Variants in RGS12 observed in about 807,000 individuals in gnomAD.
RGS12 encodes the protein regulator of G protein signaling 12.
RGS12 carries 66 observed loss-of-function variants against 120.1 expected under a neutral mutation model. That is an observed-to-expected ratio of 0.55 (90% CI 0.45 to 0.67). The LOEUF is 0.67. Among genes scored for constraint, RGS12 ranks in the 30% least tolerant of loss-of-function variants. The pLI, the probability that RGS12 is intolerant of heterozygous loss-of-function variation, is 0.00. For synonymous variants in RGS12, 827 were observed against 804.7 expected, an observed-to-expected ratio of 1.03 and a Z score of -0.47; for missense variants, 1,859 against 1,957.7, an observed-to-expected ratio of 0.95 and a Z score of 0.95.
intron 3 of RGS12, among the ~76,000 whole-genome samples, chr4:3,358,036 C>G (rs74995096): frequency 6.6e-6 from 1 of 152,264 alleles, no homozygotes; most frequent in Non-Finnish European, 1.5e-5. Context: ...GCAATGTTTT[C>G]TAGTTTTCAT....
intron 3 of RGS12, chr4:3,370,103 C>T: frequency 1.5e-6 from 2 of 1,374,472 alleles, no homozygotes. Context: ...GAGTCTGAAA[C>T]CCTGGCAAGC....
At chr4:3,409,400 C>G (rs1721497145) in intron 4 of RGS12, among the ~76,000 whole-genome samples, 1 of 152,242 alleles carries the variant, frequency 6.6e-6, no homozygotes, top group African/African-American at 2.4e-5. Flanking sequence ...ATTTGTGAGT[C>G]TTAGAAAATA....
intron 3 of RGS12, chr4:3,370,154 G>A (rs1716815685): frequency 6.5e-7 from 1 of 1,547,440 alleles, no homozygotes; most frequent in Admixed American, 1.8e-5. Context: ...GGTTACGAAG[G>A]GAGCGAGAGG....
At chr4:3,318,779 G>T (rs907977769) in intron 2 of RGS12, among the ~76,000 whole-genome samples, 3 of 152,072 alleles carry the variant, frequency 2.0e-5, no homozygotes, top group African/African-American at 7.2e-5. Flanking sequence ...AGTGTGCGGG[G>T]CTGTGCCTGT....
At chr4:3,375,127 G>T (rs896755481) in intron 3 of RGS12, among the ~76,000 whole-genome samples, 2 of 152,224 alleles carry the variant, frequency 1.3e-5, no homozygotes, top group African/African-American at 4.8e-5. Context: ...GCCAGACTGA[G>T]GGAGACAGGA....
At chr4:3,349,466 T>G (rs1714151494) in intron 3 of RGS12, among the ~76,000 whole-genome samples, 1 of 152,212 alleles carries the variant, frequency 6.6e-6, no homozygotes, top group South Asian at 2.1e-4. Context: ...GCTCTCCTAC[T>G]TAGTGGTTTC....
chr4:3,301,352 CA>C (rs1723676070), intron 1 of RGS12, among the ~76,000 whole-genome samples: 4 of 152,136 alleles, frequency 2.6e-5, no homozygotes, highest in Admixed American at 2.6e-4. Context: ...ATACTAAAAG[CA>C]AAAGGACCCC....
chr4:3,312,460 G>T (rs544696800), intron 1 of RGS12: 2 of 214,892 alleles, frequency 9.3e-6, no homozygotes, highest in Non-Finnish European at 2.0e-5. Context: ...TGAGGGTTGC[G>T]TTCCTGCGTT....
chr4:3,432,903 G>A lies in RGS12; in HGVS notation c.4114+1948G>A, dbSNP rs147350327. Among the ~76,000 whole-genome samples the A allele has an allele frequency of 2.6e-3, 389 of 152,296 alleles. 1 individual carries two copies. The highest frequency in any genetic ancestry group is 0.02 in the Middle Eastern group (6 of 294). ...TGTCCTCCACGTGCCTGTCCGTGGC[G>A]ACACAGGACAACTGCTGAGGACCTG... On this transcript the variant is annotated intron_variant, in intron 17 of 17. Transcript: ENST00000336727.
upstream of RGS12, among the ~76,000 whole-genome samples, chr4:3,291,348 CT>C (rs66464754): frequency 0.041 from 5,465 of 132,922 alleles, 214 homozygotes; most frequent in African/African-American, 0.11. Context: ...TTTCCTGGCT[CT>C]TTTTTTTTTT....
chr4:3,354,939 C>T (rs1406167473), intron 3 of RGS12, among the ~76,000 whole-genome samples: 1 of 152,006 alleles, frequency 6.6e-6, no homozygotes, highest in Non-Finnish European at 1.5e-5. Context: ...AGATTATTTC[C>T]CAACTCATTT....
chr4:3,428,932 G>A (rs1354615499), intron 16 of RGS12, among the ~76,000 whole-genome samples: 1 of 152,176 alleles, frequency 6.6e-6, no homozygotes, highest in Non-Finnish European at 1.5e-5. Context: ...GGGCATCAGG[G>A]GCAGCCGATG....
At chr4:3,337,499 G>T (rs1002708904) in intron 2 of RGS12, among the ~76,000 whole-genome samples, 3 of 152,240 alleles carry the variant, frequency 2.0e-5, no homozygotes, top group African/African-American at 7.2e-5. Flanking sequence ...GATAAACACA[G>T]TGTGGTCCAT....
intron 3 of RGS12, among the ~76,000 whole-genome samples, chr4:3,343,965 G>A (rs938014492): frequency 6.6e-6 from 1 of 152,206 alleles, no homozygotes; most frequent in Non-Finnish European, 1.5e-5. Flanking sequence ...AGTATATGAC[G>A]ATGATTGATG....
chr4:3,290,660 G>A (rs980816765), upstream of RGS12, among the ~76,000 whole-genome samples: 2 of 152,244 alleles, frequency 1.3e-5, no homozygotes, highest in South Asian at 4.1e-4. Context: ...GGGTAGGGCC[G>A]CTGAGCCGCT....
intron 10 of RGS12, among the ~76,000 whole-genome samples, 175 bp downstream of exon 10, chr4:3,420,893 A>C (rs998264398): frequency 6.6e-6 from 1 of 152,238 alleles, no homozygotes; most frequent in Non-Finnish European, 1.5e-5. Flanking sequence ...AGGGTGGCCC[A>C]GTGCCCCATC....
chr4:3,345,057 G>C (rs150963022), intron 3 of RGS12, among the ~76,000 whole-genome samples: 4 of 152,356 alleles, frequency 2.6e-5, no homozygotes, highest in East Asian at 3.9e-4. Context: ...GCATGCTGTA[G>C]TAAACTATGA....
Position 3,317,692 on chromosome 4 carries a change from G to T in RGS12, c.1522G>T (p.Val508Leu). The T allele has an allele frequency of 1.2e-6, 2 of 1,612,378 alleles. No individual in the cohort carries two copies. Among genetic ancestry groups the T allele is most frequent in the East Asian group, 4.5e-5 (2 of 44,858 alleles). The change falls in exon 2 of 18, where the codon GTG becomes TTG. Residue 508 changes from valine to leucine, a missense_variant. Val to Leu is a conservative substitution (Grantham distance 32). This residue lies in a region of RGS12 where 967 missense variants were observed against 994.2 expected (regional missense o/e 0.97). Coordinates refer to ENST00000336727, the MANE Select transcript of RGS12 (RefSeq NM_001394154.1). ...LNKHLGPASP[V>L]EVPPASLRSS... Reference sequence around the variant, plus strand: ...CAAGCACCTAGGGCCAGCCTCTCCTGTGGAGGTGCCCCCAGCTTCCTTGAG... The same window carrying T: ...CAAGCACCTAGGGCCAGCCTCTCCTTTGGAGGTGCCCCCAGCTTCCTTGAG...
intron 3 of RGS12, among the ~76,000 whole-genome samples, chr4:3,346,058 T>G (rs996320694): frequency 3.9e-5 from 6 of 152,174 alleles, no homozygotes; most frequent in Admixed American, 3.9e-4. Flanking sequence ...TTTTCTTATT[T>G]TGGGTATATG....
Sources: gnomAD v4.1 joint callset for allele counts (sites outside exome capture counted in the v4.1 genomes callset) on GRCh38, gnomAD v4.1.1 for gene constraint, gnomAD v4.1.1 regional missense constraint, MANE v1.5 for transcripts, NCBI Gene and HGNC (gene_info 2026-07-23, HGNC 2026-07-21) for gene names.